Variants in ABL2 observed in about 807,000 individuals in gnomAD.
ABL2 encodes ABL proto-oncogene 2, non-receptor tyrosine kinase, also known as tyrosine-protein kinase ABL2.
A neutral mutation model predicts 107.7 loss-of-function variants in ABL2; 49 were observed. The observed-to-expected ratio is 0.45, with a 90% CI of 0.36 to 0.58. The LOEUF (loss-of-function observed/expected upper bound fraction) is 0.58. Ranked by LOEUF, ABL2 falls within the 20% of genes least tolerant of loss-of-function variation. ABL2 has a pLI of 0.00. For missense variants in ABL2, 1,245 were observed against 1,457.0 expected (o/e 0.85, Z 2.37); for synonymous variants, 549 against 548.6 (o/e 1.00, Z -0.01).
intron 1 of ABL2, among the ~76,000 whole-genome samples, chr1:179,138,451 A>G (rs1353069311): frequency 6.6e-6 from 1 of 152,318 alleles, no homozygotes; most frequent in Non-Finnish European, 1.5e-5. Context: ...TAGTAATTTG[A>G]GTGAATACCA....
At chr1:179,135,782 G>T (rs1446264955) in intron 1 of ABL2, among the ~76,000 whole-genome samples, 15 of 145,520 alleles carry the variant, frequency 1.0e-4, no homozygotes, top group Non-Finnish European at 1.5e-4. Flanking sequence ...AGGTGGGGGG[G>T]TCAGCCCCCC....
At chr1:179,149,083 C>A (rs1658211710) in intron 1 of ABL2, among the ~76,000 whole-genome samples, 2 of 152,108 alleles carry the variant, frequency 1.3e-5, no homozygotes, top group African/African-American at 4.8e-5. Flanking sequence ...TACAAGTTAG[C>A]CAAGTTGTGA....
chr1:179,204,881 C>T (rs530796959), intron 1 of ABL2, among the ~76,000 whole-genome samples: 5 of 152,220 alleles, frequency 3.3e-5, no homozygotes, highest in Non-Finnish European at 5.9e-5. Flanking sequence ...CTCTGTACAT[C>T]GGTTATTCTA....
chr1:179,185,970 G>A (rs1343334821), intron 1 of ABL2, among the ~76,000 whole-genome samples: 1 of 152,076 alleles, frequency 6.6e-6, no homozygotes, highest in Non-Finnish European at 1.5e-5. Flanking sequence ...AATGGGCCGG[G>A]CGCAGTGGCT....
chr1:179,115,721 C>A (rs1243071283), intron 8 of ABL2, among the ~76,000 whole-genome samples: 1 of 152,040 alleles, frequency 6.6e-6, no homozygotes, highest in African/African-American at 2.4e-5. Flanking sequence ...TAAAGGAGAA[C>A]CACTGTATCT....
At chr1:179,143,658 C>A (rs996312551) in intron 1 of ABL2, among the ~76,000 whole-genome samples, 2 of 152,176 alleles carry the variant, frequency 1.3e-5, no homozygotes, top group African/African-American at 4.8e-5. Context: ...GTGTTGAAAA[C>A]TTTTGAGTGT....
At chr1:179,150,049 T>C (rs1185040) in intron 1 of ABL2, among the ~76,000 whole-genome samples, 6 of 152,004 alleles carry the variant, frequency 3.9e-5, no homozygotes, top group African/African-American at 7.2e-5. Flanking sequence ...TTGGGCAACA[T>C]AGTGAGACCC....
In ABL2 at chr1:179,104,386, T is replaced by C. The variant is rs1389910388; in HGVS notation, c.*3332A>G. ...AGTTAAATAAAAATGGGCAGTGCCT[T>C]AGCAAAGTCAGCATGCTTTATTACC... On this transcript the variant is annotated 3_prime_UTR_variant, in exon 12 of 12. Coordinates refer to ENST00000502732, the MANE Select transcript of ABL2 (RefSeq NM_007314.4). 1 of 222,274 alleles carries C rather than the reference T, an allele frequency of 4.5e-6. No individual in the cohort carries two copies. The allele number at this position is 222,274 out of a possible 1,614,324, so 13.8% of individuals were successfully genotyped here.
At chr1:179,150,296 A>G (rs1658284388) in intron 1 of ABL2, among the ~76,000 whole-genome samples, 1 of 152,200 alleles carries the variant, frequency 6.6e-6, no homozygotes, top group South Asian at 2.1e-4. Flanking sequence ...TGGATCTGTT[A>G]AAATCAATTG....
chr1:179,144,809 T>C (rs556709608), intron 1 of ABL2, among the ~76,000 whole-genome samples: 9 of 152,250 alleles, frequency 5.9e-5, no homozygotes, highest in Non-Finnish European at 1.0e-4. Flanking sequence ...CAATTATGAC[T>C]AAGAATTTCA....
At chr1:179,130,726 T>TTTTTTTTGTG (rs1553220073) in intron 3 of ABL2, among the ~76,000 whole-genome samples, 10 of 142,812 alleles carry the variant, frequency 7.0e-5, no homozygotes, top group African/African-American at 2.1e-4. Context: ...ATTATTGATT[T>TTTTTTTTGTG]TGTGTGTGTG....
chr1:179,102,538 C>T lies in ABL2; in HGVS notation c.*5180G>A. The stretch of plus-strand genomic sequence containing the variant: ...AATACTTAAGCCAGAGACCCACCTA[C>T]AAAAAGAGGATTGGTCATAGCAGAT... On this transcript the variant is annotated 3_prime_UTR_variant, in exon 12 of 12. Coordinates refer to ENST00000502732, the MANE Select transcript of ABL2 (RefSeq NM_007314.4). The T allele has an allele frequency of 4.4e-6, 1 of 227,442 alleles. No homozygotes were observed. Among genetic ancestry groups the T allele is most frequent in the Non-Finnish European group, 8.7e-6 (1 of 114,464 alleles). 14.1% of individuals were successfully genotyped at this position (227,442 alleles called of 1,614,324 possible). A position where few individuals can be genotyped will look rare whatever the true frequency, so the allele number is the denominator to read the frequency against.
chr1:179,127,356 C>T (rs892315597), intron 3 of ABL2, among the ~76,000 whole-genome samples: 1 of 152,118 alleles, frequency 6.6e-6, no homozygotes, highest in Non-Finnish European at 1.5e-5. Context: ...TCCTAGTTCC[C>T]ACAAAGAATG....
At chr1:179,209,784 C>A (rs986218814) in intron 1 of ABL2, among the ~76,000 whole-genome samples, 2 of 152,150 alleles carry the variant, frequency 1.3e-5, no homozygotes, top group African/African-American at 2.4e-5. Context: ...AACAAACCAG[C>A]AGGAGATTCA....
chr1:179,157,707 CTT>C (rs11411364), intron 1 of ABL2, among the ~76,000 whole-genome samples: 12 of 142,622 alleles, frequency 8.4e-5, no homozygotes, highest in Non-Finnish European at 3.1e-5. Context: ...ATTACAGAAT[CTT>C]TTTTTTTTTT....
At chr1:179,146,710 C>T (rs750062100) in intron 1 of ABL2, among the ~76,000 whole-genome samples, 1 of 152,042 alleles carries the variant, frequency 6.6e-6, no homozygotes, top group Non-Finnish European at 1.5e-5. Flanking sequence ...ATTTTATAAG[C>T]GTCTGGCATT....
At chr1:179,147,475 A>G (rs942782038) in intron 1 of ABL2, among the ~76,000 whole-genome samples, 30 of 152,208 alleles carry the variant, frequency 2.0e-4, no homozygotes, top group Admixed American at 1.9e-3. Context: ...AGTGTCCATC[A>G]ATGGATGACT....
intron 1 of ABL2, among the ~76,000 whole-genome samples, chr1:179,193,155 T>C (rs1661111498): frequency 6.6e-6 from 1 of 151,584 alleles, no homozygotes; most frequent in South Asian, 2.1e-4. Context: ...CAAAAAAAAA[T>C]GAGAACCATA....
intron 1 of ABL2, among the ~76,000 whole-genome samples, chr1:179,226,840 T>C (rs1020520415): frequency 1.3e-5 from 2 of 152,190 alleles, no homozygotes; most frequent in Admixed American, 6.5e-5. Flanking sequence ...CCAGAGTTCA[T>C]GCCCTTAACA....
Sources: gnomAD v4.1 joint callset for allele counts (sites outside exome capture counted in the v4.1 genomes callset) on GRCh38, gnomAD v4.1.1 for gene constraint, MANE v1.5 for transcripts, NCBI Gene and HGNC (gene_info 2026-07-23, HGNC 2026-07-21) for gene names.